CARHSP1: variants seen among roughly 807,000 people sequenced by gnomAD.
CARHSP1 encodes calcium-regulated heat-stable protein 1.
CARHSP1 carries 14 observed loss-of-function variants against 12.5 expected under a neutral mutation model. That is an observed-to-expected ratio of 1.12 (90% CI 0.74 to 1.75). The LOEUF is 1.75. Ranked by LOEUF, CARHSP1 falls within the 40% of genes most tolerant of loss-of-function variation. CARHSP1 has a pLI of 0.00. For synonymous variants in CARHSP1, 161 were observed against 82.0 expected (o/e 1.96, Z -5.20); for missense variants, 343 against 201.6 (o/e 1.70, Z -4.25).
chr16:8,853,701 C>G lies in CARHSP1; in HGVS notation c.*1463G>C, dbSNP rs1383825879. On this transcript the variant is annotated 3_prime_UTR_variant, in exon 4 of 4. Transcript: ENST00000311052. ...AGGTCATATATTTCAAAAAATAATG[C>G]CTAGCTATTTCTACTTTGAAATCAT... is the stretch of plus-strand genomic sequence containing the variant. 1 of 152,184 alleles carries G rather than the reference C, an allele frequency of 6.6e-6. No individual in the cohort carries two copies. The highest frequency in any genetic ancestry group is 2.4e-5 in the African/African-American group (1 of 41,432). The allele number at this position is 152,184 out of a possible 1,614,324, so 9.4% of individuals were successfully genotyped here.
At chr16:8,858,530 C>G (rs1269681841) in intron 2 of CARHSP1, 58 bp from the exon 3 acceptor site, 1 of 1,590,768 alleles carries the variant, frequency 6.3e-7, no homozygotes, top group Non-Finnish European at 8.5e-7. Flanking sequence ...ACACAAAGCT[C>G]ATTCCAGCCC....
rs753383995 is a variant in CARHSP1 at position 8,858,448 on chromosome 16, G to T, written c.183C>A (p.Pro61=). The T allele has an allele frequency of 1.9e-6, 3 of 1,613,836 alleles. No individual in the cohort carries two copies. Among genetic ancestry groups the T allele is most frequent in the East Asian group, 4.5e-5 (2 of 44,872 alleles). The change falls in exon 3 of 4, where the codon CCC becomes CCA. Residue 61 remains proline, a synonymous_variant. Coordinates refer to ENST00000311052, the MANE Select transcript of CARHSP1 (RefSeq NM_014316.4). ...FSATVRASQG[P]VYKGVCKCFC... The stretch of plus-strand genomic sequence containing the variant: ...AGCATTTGCAGACTCCTTTGTAGAC[G>T]GGGCCCTGTGAAGCCCGCACCGTCC...
chr16:8,863,144 G>C (rs1489324148), intron 1 of CARHSP1, among the ~76,000 whole-genome samples: 1 of 105,450 alleles, frequency 9.5e-6, no homozygotes, highest in Non-Finnish European at 1.8e-5. Context: ...TTTTCAGATA[G>C]GATCTCACTT....
intron 1 of CARHSP1, chr16:8,861,939 T>G (rs965140381): frequency 1.1e-5 from 4 of 362,390 alleles, no homozygotes; most frequent in African/African-American, 8.9e-5. Flanking sequence ...CCTGCCTTGT[T>G]CTATCCAAAG....
chr16:8,866,395 G>A (rs768809507), intron 1 of CARHSP1: 7 of 976,618 alleles, frequency 7.2e-6, no homozygotes, highest in Non-Finnish European at 8.5e-6. Flanking sequence ...GGATCGGGGT[G>A]AGACTCTAGC....
intron 1 of CARHSP1, chr16:8,861,854 G>C: frequency 8.4e-7 from 1 of 1,187,714 alleles, no homozygotes; most frequent in Non-Finnish European, 1.1e-6. Context: ...CCCTGGGAGG[G>C]GAGGGCCCTG....
chr16:8,857,280 T>TTGTTTTTTTTTG (rs1567181222), intron 3 of CARHSP1, among the ~76,000 whole-genome samples: 6 of 119,038 alleles, frequency 5.0e-5, no homozygotes, highest in Non-Finnish European at 8.9e-5. Context: ...TTTTTTTTTT[T>TTGTTTTTTTTTG]TTTTTTTTTT....
At chr16:8,860,022 A>T in intron 1 of CARHSP1, 2 of 413,802 alleles carry the variant, frequency 4.8e-6, no homozygotes, top group Non-Finnish European at 6.5e-6. Flanking sequence ...CCAACCACCT[A>T]GATCCAAACT....
chr16:8,863,411 C>A (rs976625317), intron 1 of CARHSP1, among the ~76,000 whole-genome samples: 1 of 152,218 alleles, frequency 6.6e-6, no homozygotes, highest in African/African-American at 2.4e-5. Flanking sequence ...CCACACCCAG[C>A]TTCCAAGCCT....
At chr16:8,861,950 T>G (rs1297361672) in intron 1 of CARHSP1, 1 of 226,820 alleles carries the variant, frequency 4.4e-6, no homozygotes, top group Admixed American at 6.7e-5. Flanking sequence ...CTATCCAAAG[T>G]CTCCCTCCCT....
chr16:8,864,829 CGTA>C, intron 1 of CARHSP1, among the ~76,000 whole-genome samples: 1 of 152,304 alleles, frequency 6.6e-6, no homozygotes, highest in African/African-American at 2.4e-5. Flanking sequence ...GGGAATTTTC[CGTA>C]GGCTCTGCAG....
chr16:8,861,825 G>A (rs2061364400), intron 1 of CARHSP1: 3 of 1,196,054 alleles, frequency 2.5e-6, no homozygotes, highest in Non-Finnish European at 3.2e-6. Flanking sequence ...AACGCCCAGA[G>A]TTCCAGGAAA....
chr16:8,861,595 C>A lies in CARHSP1; in HGVS notation c.-7-2260G>T, dbSNP rs895369887. 3 of 1,286,558 alleles carry A rather than the reference C, an allele frequency of 2.3e-6. No homozygotes were observed. The African/African-American group carries it at 4.6e-5, about 20-fold the overall frequency. The allele number at this position is 1,286,558 out of a possible 1,614,324, so 79.7% of individuals were successfully genotyped here. A position where few individuals can be genotyped will look rare whatever the true frequency, so the allele number is the denominator to read the frequency against. Reference sequence around the variant, plus strand: ...CTCCCCAGACATTGCTGCACTCTCCCGTTGGGCCTCAGTTCTGTCGGGCTG... The same window carrying A: ...CTCCCCAGACATTGCTGCACTCTCCAGTTGGGCCTCAGTTCTGTCGGGCTG... On this transcript the variant is annotated intron_variant, in intron 1 of 3. Transcript: ENST00000311052.
intron 1 of CARHSP1, among the ~76,000 whole-genome samples, chr16:8,863,250 T>C (rs1284012973): frequency 2.0e-5 from 3 of 150,038 alleles, no homozygotes; most frequent in African/African-American, 7.4e-5. Flanking sequence ...GCCTCCTGGG[T>C]TGTGGGACTA....
chr16:8,858,504 A>C lies in CARHSP1; in HGVS notation c.159-32T>G, dbSNP rs371032246. On this transcript the variant is annotated intron_variant, in intron 2 of 3. Transcript: ENST00000311052. ...GAGAGGGGGAAATGTCAGGGGCCCC[A>C]TCAGCGCTCCTGGGCACACAAAGCT... is the stretch of plus-strand genomic sequence containing the variant. 75 of 1,609,168 alleles carry C rather than the reference A, an allele frequency of 4.7e-5. No homozygotes were observed. In the African/African-American group the frequency reaches 8.2e-4, roughly 17 times the overall value.
chr16:8,868,040 G>C (rs1485976225), intron 1 of CARHSP1: 1 of 152,284 alleles, frequency 6.6e-6, no homozygotes, highest in Non-Finnish European at 1.5e-5. Context: ...TTAAAAAACA[G>C]TAGCTTACGT....
rs374009548 is a variant in CARHSP1, at chr16:8,855,230, G to C, written c.378C>G (p.Val126=). The change falls in exon 4 of 4, where the codon GTC becomes GTG. Residue 126 remains valine (V), a synonymous_variant. Coordinates refer to ENST00000311052, the MANE Select transcript of CARHSP1 (RefSeq NM_014316.4). ...PKNEKLQAVE[V]VITHLAPGTK... is the part of the protein sequence containing the mutation. ...TGCCTGGTGCCAGGTGAGTGATGAC[G>C]ACCTCCACGGCCTGCAGCTTCTCAT... 5.6e-6 allele frequency: 9 copies of C among 1,613,132 alleles called. No individual in the cohort carries two copies. Among genetic ancestry groups the C allele is most frequent in the Non-Finnish European group, 7.6e-6 (9 of 1,179,428 alleles).
chr16:8,867,531 C>T (rs551070722), intron 1 of CARHSP1: 7 of 152,372 alleles, frequency 4.6e-5, no homozygotes, highest in African/African-American at 1.7e-4. Flanking sequence ...AATGCGCTGG[C>T]TTTGCCACTC....
chr16:8,858,851 G>A (rs1266905389), intron 2 of CARHSP1: 2 of 408,940 alleles, frequency 4.9e-6, no homozygotes, highest in African/African-American at 2.0e-5. Flanking sequence ...CCCTGGTGCT[G>A]TGCCCATTTT....
Sources: gnomAD v4.1 joint callset for allele counts (sites outside exome capture counted in the v4.1 genomes callset) on GRCh38, gnomAD v4.1.1 for gene constraint, MANE v1.5 for transcripts, NCBI Gene and HGNC (gene_info 2026-07-23, HGNC 2026-07-21) for gene names.